The following PTPRD variants were observed in gnomAD, a reference collection of about 807,000 sequenced individuals.
The protein encoded by PTPRD is protein tyrosine phosphatase receptor type D.
A neutral mutation model predicts 214.5 loss-of-function variants in PTPRD; 34 were observed. That is an observed-to-expected ratio of 0.16 (90% CI 0.12 to 0.21). The LOEUF (loss-of-function observed/expected upper bound fraction) is 0.21. Ranked by LOEUF, PTPRD falls within the 10% of genes least tolerant of loss-of-function variation. The pLI is 1.00. For synonymous variants in PTPRD, 1,128 were observed against 845.7 expected, an observed-to-expected ratio of 1.33 and a Z score of -5.79; for missense variants, 2,545 against 2,398.7, an observed-to-expected ratio of 1.06 and a Z score of -1.27.
At position 9,756,646 on chromosome 9, in the gene PTPRD, T is replaced by C. The variant is rs915013924; in HGVS notation, c.-326+10164A>G. On this transcript the variant is annotated intron_variant, in intron 6 of 45. Coordinates refer to ENST00000381196, the MANE Select transcript of PTPRD (RefSeq NM_002839.4). ...TGGGGTAATGAAAATGTTTTGGAAC[T>C]GGATAGAGTTTGTGAATACATTGTG... 2.0e-5 allele frequency among the ~76,000 whole-genome samples: 3 copies of C among 152,158 alleles called. No homozygotes were observed. In the East Asian group the frequency reaches 5.8e-4, roughly 29 times the overall value.
At chr9:8,477,032 C>G (rs2096779186) in intron 30 of PTPRD, among the ~76,000 whole-genome samples, 1 of 151,606 alleles carries the variant, frequency 6.6e-6, no homozygotes, top group African/African-American at 2.4e-5. Context: ...TAAGATGATT[C>G]ATATTGGAGG....
At chr9:8,853,998 G>A (rs1011464124) in intron 11 of PTPRD, among the ~76,000 whole-genome samples, 2 of 152,032 alleles carry the variant, frequency 1.3e-5, no homozygotes, top group Non-Finnish European at 2.9e-5. Context: ...AAAAAGTAAA[G>A]CATTTTTTGA....
intron 10 of PTPRD, among the ~76,000 whole-genome samples, chr9:9,051,115 C>T (rs907924678): frequency 1.2e-4 from 19 of 152,180 alleles, no homozygotes; most frequent in Admixed American, 7.9e-4. Flanking sequence ...AGCTATCAGT[C>T]ATTCTCTGTA....
rs143992295 is a variant in PTPRD at position 10,385,360 on chromosome 9, G to T, written c.-599-44343C>A. Among the ~76,000 whole-genome samples, 1,458 of 151,712 alleles carry T rather than the reference G, an allele frequency of 9.6e-3. 14 individuals carry two copies. Among genetic ancestry groups the T allele is most frequent in the Middle Eastern group, 0.017 (5 of 294 alleles). ...AATTAATGGTTATTTTTTCTTGTAG[G>T]CTTTAGCATGTATTCTTCACAGTGG... On this transcript the variant is annotated intron_variant, in intron 2 of 45. Transcript: ENST00000381196.
At chr9:9,075,268 C>T (rs2154414986) in intron 10 of PTPRD, among the ~76,000 whole-genome samples, 1 of 152,128 alleles carries the variant, frequency 6.6e-6, no homozygotes, top group Non-Finnish European at 1.5e-5. Flanking sequence ...TATCCCATCA[C>T]CTCAAACATT....
At chr9:9,774,003 T>A (rs1267440476) in intron 5 of PTPRD, among the ~76,000 whole-genome samples, 1 of 152,222 alleles carries the variant, frequency 6.6e-6, no homozygotes, top group East Asian at 1.9e-4. Flanking sequence ...AATCTCCTAT[T>A]CTACAAACAT....
intron 3 of PTPRD, among the ~76,000 whole-genome samples, chr9:10,248,792 A>G (rs781273373): frequency 1.3e-5 from 2 of 152,066 alleles, no homozygotes; most frequent in Non-Finnish European, 2.9e-5. Flanking sequence ...TAGCTCAAAA[A>G]TCTTGTGTCA....
intron 8 of PTPRD, among the ~76,000 whole-genome samples, chr9:9,545,100 C>CA (rs2078472110): frequency 6.6e-6 from 1 of 151,612 alleles, no homozygotes; most frequent in Admixed American, 6.6e-5. Context: ...CATCCCCCAC[C>CA]AAAATAGTAC....
chr9:10,259,633 T>C (rs549115896), intron 3 of PTPRD, among the ~76,000 whole-genome samples: 3 of 152,284 alleles, frequency 2.0e-5, no homozygotes, highest in Non-Finnish European at 4.4e-5. Context: ...AGTTTTTCTA[T>C]AATTTTCCTT....
intron 11 of PTPRD, among the ~76,000 whole-genome samples, chr9:8,989,379 G>T (rs1168439737): frequency 1.3e-5 from 2 of 151,780 alleles, no homozygotes; most frequent in South Asian, 4.2e-4. Flanking sequence ...TTGCTTCTCA[G>T]CCTCTAGTAA....
At chr9:8,701,866 C>T (rs887184469) in intron 12 of PTPRD, among the ~76,000 whole-genome samples, 3 of 152,064 alleles carry the variant, frequency 2.0e-5, no homozygotes, top group Non-Finnish European at 4.4e-5. Flanking sequence ...TAAACTATAC[C>T]TATTTTCATA....
At chr9:9,415,473 C>T (rs2076722041) in intron 8 of PTPRD, among the ~76,000 whole-genome samples, 1 of 151,826 alleles carries the variant, frequency 6.6e-6, no homozygotes, top group South Asian at 2.1e-4. Flanking sequence ...GACCCTGTCT[C>T]AAAAATAAAA....
chr9:8,600,706 A>C (rs935131101), intron 14 of PTPRD, among the ~76,000 whole-genome samples: 11 of 151,720 alleles, frequency 7.3e-5, no homozygotes, highest in Admixed American at 3.3e-4. Context: ...GTCCAGGCAG[A>C]ATCCAGACCC....
intron 2 of PTPRD, among the ~76,000 whole-genome samples, chr9:10,596,674 T>C (rs1053689903): frequency 6.6e-6 from 1 of 151,586 alleles, no homozygotes; most frequent in South Asian, 2.1e-4. Context: ...CCCTAAGAGC[T>C]GGTAGAATGT....
chr9:9,831,125 T>A (rs945889281), intron 5 of PTPRD, among the ~76,000 whole-genome samples: 1 of 151,926 alleles, frequency 6.6e-6, no homozygotes, highest in Non-Finnish European at 1.5e-5. Context: ...AGCACTGATG[T>A]CGTCATTAAG....
intron 2 of PTPRD, among the ~76,000 whole-genome samples, 178 bp downstream of exon 2, chr9:10,612,220 A>G (rs1054059189): frequency 7.9e-5 from 12 of 151,548 alleles, no homozygotes; most frequent in African/African-American, 1.7e-4. Flanking sequence ...AAAAAAAAAA[A>G]AAAAGAAAAA....
At chr9:9,617,139 G>A (rs2094922552) in intron 7 of PTPRD, among the ~76,000 whole-genome samples, 2 of 152,060 alleles carry the variant, frequency 1.3e-5, no homozygotes, top group Non-Finnish European at 2.9e-5. Context: ...TGCTTATTCT[G>A]GGAGTTTTAT....
At chr9:9,275,092 TTATATATATAATATA>T (rs1569566661) in intron 9 of PTPRD, among the ~76,000 whole-genome samples, 10 of 74,312 alleles carry the variant, frequency 1.3e-4, no homozygotes, top group African/African-American at 5.5e-4. Context: ...AATATATATG[TTATATATATAATATA>T]TTATATATAT....
chr9:9,372,177 T>C (rs2059695349), intron 9 of PTPRD, among the ~76,000 whole-genome samples: 1 of 152,070 alleles, frequency 6.6e-6, no homozygotes, highest in Non-Finnish European at 1.5e-5. Context: ...TTGTTAACTT[T>C]CTGTCTCGTT....
Sources: allele counts gnomAD v4.1 joint callset (sites outside exome capture counted in the v4.1 genomes callset), GRCh38; gene constraint gnomAD v4.1.1; transcripts MANE v1.5; gene names NCBI Gene and HGNC (gene_info 2026-07-23, HGNC 2026-07-21).